SLU7: variants seen among roughly 807,000 people sequenced by gnomAD.
SLU7 encodes spliceosome associated SLU7.
A neutral mutation model predicts 87.0 loss-of-function variants in SLU7; 60 were observed. The ratio of observed to expected loss-of-function variants is 0.69; its 90% CI spans 0.56 to 0.86. The LOEUF (loss-of-function observed/expected upper bound fraction) is 0.86. Ranked by LOEUF, SLU7 falls within the 40% of genes least tolerant of loss-of-function variation. SLU7 has a pLI of 0.00. For synonymous variants in SLU7, 197 were observed against 222.0 expected (o/e 0.89, Z 1.00); for missense variants, 507 against 686.6 (o/e 0.74, Z 2.92).
chr5:160,404,668 G>A (rs1477654127), intron 14 of SLU7, 112 bp from the exon 15 acceptor site: 1 of 880,932 alleles, frequency 1.1e-6, no homozygotes, highest in East Asian at 2.6e-5. Flanking sequence ...GGAAGTTGCA[G>A]TGGGCCCAGA....
At chr5:160,410,597 G>A (rs1765190430) in intron 6 of SLU7, among the ~76,000 whole-genome samples, 1 of 152,050 alleles carries the variant, frequency 6.6e-6, no homozygotes. Flanking sequence ...CATCCAAGTG[G>A]GCAAAAATCA....
chr5:160,413,371 T>C, intron 5 of SLU7, 85 bp downstream of exon 5: 1 of 1,255,248 alleles, frequency 8.0e-7, no homozygotes, highest in Admixed American at 2.1e-5. Flanking sequence ...TTAAAGTGCT[T>C]CAAGATTTGA....
chr5:160,404,418 C>T (rs1171697545), intron 15 of SLU7, 22 bp downstream of exon 15: 1 of 1,360,522 alleles, frequency 7.4e-7, no homozygotes, highest in South Asian at 1.2e-5. Flanking sequence ...GTCACTTTTA[C>T]TATTTAGACT....
At chr5:160,417,684 C>A (rs1044237137) in intron 1 of SLU7, among the ~76,000 whole-genome samples, 1 of 150,082 alleles carries the variant, frequency 6.7e-6, no homozygotes, top group Non-Finnish European at 1.5e-5. Flanking sequence ...CCTAGCTACT[C>A]GGGAGGCTGA....
rs761722824 is a variant in SLU7, at chr5:160,404,532, CCT to C, written c.1487_1488del (p.Glu496GlyfsTer19). On this transcript the variant is annotated frameshift_variant, in exon 15 of 16. Coordinates refer to ENST00000297151, the MANE Select transcript of SLU7 (RefSeq NM_006425.5). LOFTEE classifies it high-confidence loss of function. The stretch of plus-strand genomic sequence containing the variant: ...TTTTTCTTTTTCTTCTTCTTCTTTT[CCT>C]CTTTCAGTTTTTCTTGATGCAGCTG... ...LMELHQEKLK[E>X]EKKKKKKKKK... The C allele has an allele frequency of 1.2e-6, 2 of 1,607,070 alleles. No homozygotes were observed. The highest frequency in any genetic ancestry group is 1.7e-5 in the Admixed American group (1 of 59,834).
In SLU7 at chr5:160,406,457, T is replaced by TTA; in HGVS notation, c.1287+9_1287+10dup. 1 of 1,589,558 alleles carries TTA rather than the reference T, an allele frequency of 6.3e-7. No individual in the cohort carries two copies. On this transcript the variant is annotated intron_variant, in intron 12 of 15. Coordinates refer to ENST00000297151, the MANE Select transcript of SLU7 (RefSeq NM_006425.5). ...AACAAGGACACAAAATTGTTCCAGT[T>TTA]TAGCACATACTGTGTGATTGTGGAT...
intron 6 of SLU7, among the ~76,000 whole-genome samples, chr5:160,410,318 G>A (rs1765178478): frequency 6.6e-6 from 1 of 151,558 alleles, no homozygotes; most frequent in Admixed American, 6.6e-5. Flanking sequence ...TAATTTTTTT[G>A]AGTTCCCACT....
At chr5:160,414,153 T>G in intron 3 of SLU7, 166 bp downstream of exon 3, 1 of 708,482 alleles carries the variant, frequency 1.4e-6, no homozygotes. Flanking sequence ...AGTGTAAAAT[T>G]TATATAAGAA....
At chr5:160,415,407 GT>G (rs1004668044) in intron 1 of SLU7, 97 bp from the exon 2 acceptor site, 61 of 890,898 alleles carry the variant, frequency 6.8e-5, no homozygotes, top group South Asian at 1.1e-4. Flanking sequence ...TGTTTCATAT[GT>G]TTTTTTTTCT....
At position 160,412,703 on chromosome 5, in the gene SLU7, C is replaced by G. The variant is rs969531244; in HGVS notation, c.571-184G>C. On this transcript the variant is annotated intron_variant, in intron 5 of 15. Coordinates refer to ENST00000297151, the MANE Select transcript of SLU7 (RefSeq NM_006425.5). Reference sequence around the variant, plus strand: ...ATTCCTTGTAGCCCTAGACCTATTACTCTATAAAGAGCAGGAGTTACACAG... The same window carrying G: ...ATTCCTTGTAGCCCTAGACCTATTAGTCTATAAAGAGCAGGAGTTACACAG... 1.8e-4 allele frequency among the ~76,000 whole-genome samples: 28 copies of G among 152,000 alleles called. No individual in the cohort carries two copies. Among genetic ancestry groups the G allele is most frequent in the Admixed American group, 1.3e-4 (2 of 15,258 alleles).
At chr5:160,410,218 G>A (rs1419159368) in intron 6 of SLU7, among the ~76,000 whole-genome samples, 1 of 151,754 alleles carries the variant, frequency 6.6e-6, no homozygotes, top group Non-Finnish European at 1.5e-5. Context: ...ATTAACACAG[G>A]GATATTTTCT....
chr5:160,413,320 G>A (rs140914644), intron 5 of SLU7, 136 bp downstream of exon 5: 18 of 632,818 alleles, frequency 2.8e-5, no homozygotes, highest in African/African-American at 2.6e-4. Context: ...TATAAAGGTA[G>A]CCTATACAGT....
chr5:160,405,044 C>T lies in SLU7; in HGVS notation c.1379G>A (p.Gly460Glu). The T allele has an allele frequency of 6.2e-7, 1 of 1,612,176 alleles. No individual in the cohort carries two copies. Among genetic ancestry groups the T allele is most frequent in the Non-Finnish European group, 8.5e-7 (1 of 1,178,298 alleles). ...FKYSYCTGEA[G>E]KEIVNSEECI... ...ACAATTACTTACAACAATCTCCTTCCCAGCTTCTCCAGTACAATAGGAATA... is the reference window on the plus strand; with the variant it reads ...ACAATTACTTACAACAATCTCCTTCTCAGCTTCTCCAGTACAATAGGAATA... The change falls in exon 13 of 16, where the codon GGG becomes GAG. Residue 460 changes from glycine (G) to glutamate (E), a missense_variant. Physicochemically the swap from Gly to Glu is moderately conservative, Grantham distance 98. Coordinates refer to ENST00000297151, the MANE Select transcript of SLU7 (RefSeq NM_006425.5).
chr5:160,417,908 A>T (rs1005402480), intron 1 of SLU7, among the ~76,000 whole-genome samples: 8 of 151,860 alleles, frequency 5.3e-5, no homozygotes, highest in African/African-American at 1.9e-4. Flanking sequence ...CCTACCTTCC[A>T]GCCTCACCAT....
chr5:160,414,837 A>T (rs933513149), intron 2 of SLU7, among the ~76,000 whole-genome samples: 6 of 152,172 alleles, frequency 3.9e-5, no homozygotes, highest in Non-Finnish European at 5.9e-5. Context: ...TATTATCTAG[A>T]GATGTGACGG....
chr5:160,406,370 T>C (rs764962874), intron 12 of SLU7, 98 bp downstream of exon 12: 109 of 909,880 alleles, frequency 1.2e-4, no homozygotes, highest in Non-Finnish European at 1.6e-4. Flanking sequence ...TTTTAAAGCA[T>C]AGAGAATACA....
At chr5:160,408,842 T>C (rs1420112529) in intron 6 of SLU7, 145 bp from the exon 7 acceptor site, 2 of 138,828 alleles carry the variant, frequency 1.4e-5, no homozygotes, top group African/African-American at 6.0e-5. Flanking sequence ...ATTATATTTA[T>C]ATTATATATA....
At position 160,407,497 on chromosome 5, in the gene SLU7, C is replaced by T. The variant is rs1221138074; in HGVS notation, c.1104G>A (p.Gln368=). ...KVKKEDFKEQ[Q]KESILEKYGG... Reference sequence around the variant, plus strand: ...TTACCTTTTCCAGGATGCTTTCTTTCTGCTGTTCTTTGAAATCTTCTTTTT... The same window carrying T: ...TTACCTTTTCCAGGATGCTTTCTTTTTGCTGTTCTTTGAAATCTTCTTTTT... Residue 368 remains glutamine (Q), a synonymous_variant, in exon 11 of 16, where the codon CAG becomes CAA. Coordinates refer to ENST00000297151, the MANE Select transcript of SLU7 (RefSeq NM_006425.5). This position sits in a 1 kb window ranked among gnomAD's most constrained non-coding sequence, Gnocchi z 4.2. The T allele has an allele frequency of 6.2e-7, 1 of 1,610,262 alleles. No individual in the cohort carries two copies. The highest frequency in any genetic ancestry group is 2.2e-5 in the East Asian group (1 of 44,844).
Position 160,406,386 on chromosome 5 carries a change from T to C in SLU7, c.1287+82A>G, listed in dbSNP as rs1056356428. 3.9e-6 allele frequency: 4 copies of C among 1,029,750 alleles called. No individual in the cohort carries two copies. The African/African-American group carries it at 6.7e-5, about 17-fold the overall frequency. 63.8% of individuals were successfully genotyped at this position (1,029,750 alleles called of 1,614,324 possible). A position where few individuals can be genotyped will look rare whatever the true frequency, so the allele number is the denominator to read the frequency against. ...TTTAAAGCATAGAGAATACAAATGG[T>C]TAGCTAATAAAGTTGTAGTGGAAAA... On this transcript the variant is annotated intron_variant, in intron 12 of 15. Transcript: ENST00000297151.
Sources: gnomAD v4.1 joint callset for allele counts (sites outside exome capture counted in the v4.1 genomes callset) on GRCh38, gnomAD v4.1.1 for gene constraint, Gnocchi (gnomAD v3.1) non-coding constraint, MANE v1.5 for transcripts, NCBI Gene and HGNC (gene_info 2026-07-23, HGNC 2026-07-21) for gene names.